GNG2: variants seen among roughly 807,000 people sequenced by gnomAD.
GNG2 encodes guanine nucleotide-binding protein G(I)/G(S)/G(O) subunit gamma-2.
In GNG2, 5 loss-of-function variants were observed where a neutral mutation model predicts 5.5. The observed-to-expected ratio is 0.91, with a 90% CI of 0.48 to 1.92. The LOEUF is 1.92. Ranked by LOEUF, GNG2 falls within the 30% of genes most tolerant of loss-of-function variation. The pLI is 0.01. For synonymous variants in GNG2, 28 were observed against 32.0 expected (o/e 0.88, Z 0.42); for missense variants, 55 against 88.4 (o/e 0.62, Z 1.52).
At chr14:51,949,989 C>T (rs532169001) in intron 2 of GNG2, among the ~76,000 whole-genome samples, 337 of 152,270 alleles carry the variant, frequency 2.2e-3, no homozygotes, top group Middle Eastern at 0.014. Flanking sequence ...ATCCTCCCAC[C>T]TTGACCTTTC....
rs1326116766 is a variant in GNG2 at position 51,875,683 on chromosome 14, T to C, written c.-70-1934T>C. 2.7e-5 allele frequency among the ~76,000 whole-genome samples: 4 copies of C among 150,874 alleles called. No homozygotes were observed. In the East Asian group the frequency reaches 7.8e-4, roughly 29 times the overall value. On this transcript the variant is annotated intron_variant, in intron 1 of 3. Coordinates refer to ENST00000556766, the MANE Select transcript of GNG2 (RefSeq NM_053064.5). ...TGTTAGTGCATATATATTAGAAAAA[T>C]ATATTAAGACATAGAAAATATATAT...
At chr14:51,898,261 AT>A (rs1885331932) in intron 2 of GNG2, among the ~76,000 whole-genome samples, 1 of 152,160 alleles carries the variant, frequency 6.6e-6, no homozygotes, top group South Asian at 2.1e-4. Flanking sequence ...ACAGAGAATT[AT>A]TTTTTTCCTT....
intron 2 of GNG2, among the ~76,000 whole-genome samples, chr14:51,834,607 G>A (rs1881284717): frequency 6.6e-6 from 1 of 152,136 alleles, no homozygotes; most frequent in African/African-American, 2.4e-5. Flanking sequence ...CTGGGTCCTG[G>A]GTAAGGATAG....
intron 2 of GNG2, among the ~76,000 whole-genome samples, chr14:51,922,888 G>C (rs989118146): frequency 6.6e-6 from 1 of 152,140 alleles, no homozygotes; most frequent in Middle Eastern, 3.2e-3. Context: ...GCTGCAGGGT[G>C]GGGGCAGAGG....
intron 3 of GNG2, among the ~76,000 whole-genome samples, chr14:51,962,615 G>A (rs911020548): frequency 3.3e-5 from 5 of 152,174 alleles, no homozygotes; most frequent in African/African-American, 1.2e-4. Flanking sequence ...AGAGAAGACT[G>A]CAGTATGAAC....
chr14:51,956,418 TAGATAGTATC>T (rs1043994753), intron 3 of GNG2, among the ~76,000 whole-genome samples: 4 of 152,142 alleles, frequency 2.6e-5, no homozygotes, highest in Non-Finnish European at 1.5e-5. Context: ...TGTCTCCACA[TAGATAGTATC>T]AGAATTGAAT....
intron 2 of GNG2, among the ~76,000 whole-genome samples, chr14:51,905,167 T>G (rs1337058969): frequency 1.3e-5 from 2 of 152,212 alleles, no homozygotes; most frequent in Admixed American, 1.3e-4. Flanking sequence ...CACTCAGGGA[T>G]TGGAAATAGT....
chr14:51,923,521 A>G (rs1310206831), intron 2 of GNG2, among the ~76,000 whole-genome samples: 2 of 146,702 alleles, frequency 1.4e-5, no homozygotes, highest in East Asian at 2.1e-4. Flanking sequence ...GTGTATATAT[A>G]TGTGTATATA....
chr14:51,936,844 T>A (rs932828991), intron 2 of GNG2, among the ~76,000 whole-genome samples: 1 of 152,178 alleles, frequency 6.6e-6, no homozygotes, highest in South Asian at 2.1e-4. Context: ...CACCTAGCTG[T>A]GAATTTTAAT....
At position 51,968,607 on chromosome 14, in the gene GNG2, G is replaced by T. The variant is rs1890053716; in HGVS notation, c.*1920G>T. ...CTTCTGTTCAAATTGTGGGGTTTTT[G>T]TTACAGTTAGGACGCCCATGAAGAT... On this transcript the variant is annotated 3_prime_UTR_variant, in exon 4 of 4. Coordinates refer to ENST00000556766, the MANE Select transcript of GNG2 (RefSeq NM_053064.5). 1.3e-5 allele frequency: 2 copies of T among 152,204 alleles called. No homozygotes were observed. The highest frequency in any genetic ancestry group is 2.1e-4 in the South Asian group (1 of 4,830). 9.4% of individuals were successfully genotyped at this position (152,204 alleles called of 1,614,324 possible).
chr14:51,930,827 C>CAG lies in GNG2; in HGVS notation c.-29-19809_-29-19808dup, dbSNP rs759571311. 2.8e-4 allele frequency among the ~76,000 whole-genome samples: 42 copies of CAG among 150,838 alleles called. No homozygotes were observed. In the East Asian group the frequency reaches 3.3e-3, roughly 12 times the overall value. ...GAAGGTGAAGGGGGAGCAGGCCCAT[C>CAG]AGAGAGAGAGAGAGAAAGAGGAGAA... On this transcript the variant is annotated intron_variant, in intron 2 of 3. Transcript: ENST00000556766.
chr14:51,864,214 G>A (rs1169586361), intron 1 of GNG2, among the ~76,000 whole-genome samples: 1 of 151,998 alleles, frequency 6.6e-6, no homozygotes, highest in Non-Finnish European at 1.5e-5. Context: ...ATTTTAAGAG[G>A]TATGAAGTGG....
chr14:51,908,116 G>A (rs142133759), intron 2 of GNG2, among the ~76,000 whole-genome samples: 2 of 152,348 alleles, frequency 1.3e-5, no homozygotes, highest in African/African-American at 2.4e-5. Flanking sequence ...AGCCAGGGCA[G>A]CTGTCATCTG....
intron 2 of GNG2, among the ~76,000 whole-genome samples, chr14:51,909,209 C>T (rs1886143602): frequency 6.6e-6 from 1 of 152,154 alleles, no homozygotes. Flanking sequence ...ATTATCTAGC[C>T]AGTCTCTACT....
At chr14:51,843,376 ATGAGAACAC>A (rs1224000634) in intron 2 of GNG2, among the ~76,000 whole-genome samples, 1 of 152,026 alleles carries the variant, frequency 6.6e-6, no homozygotes, top group African/African-American at 2.4e-5. Flanking sequence ...ATATAGAACA[ATGAGAACAC>A]ATGGACACAG....
intron 3 of GNG2, among the ~76,000 whole-genome samples, chr14:51,959,479 G>C (rs142067432): frequency 1.1e-3 from 165 of 152,046 alleles, no homozygotes; most frequent in African/African-American, 3.8e-3. Context: ...GAAAATCCTG[G>C]TGATTCTACA....
At chr14:51,899,617 A>C (rs1054067952) in intron 2 of GNG2, among the ~76,000 whole-genome samples, 1 of 152,142 alleles carries the variant, frequency 6.6e-6, no homozygotes, top group Non-Finnish European at 1.5e-5. Context: ...TCTATCAAAA[A>C]ATTTTTAAAA....
At chr14:51,835,973 A>G (rs1881318153) in intron 2 of GNG2, among the ~76,000 whole-genome samples, 2 of 151,928 alleles carry the variant, frequency 1.3e-5, no homozygotes, top group Non-Finnish European at 2.9e-5. Context: ...GATGCTATAC[A>G]GAACACTATA....
intron 1 of GNG2, among the ~76,000 whole-genome samples, chr14:51,863,008 T>C (rs1225285417): frequency 6.7e-6 from 1 of 148,880 alleles, no homozygotes; most frequent in Non-Finnish European, 1.5e-5. Flanking sequence ...TTCTGCCATA[T>C]GGCCAATGGC....
Sources: gnomAD v4.1 joint callset for allele counts (sites outside exome capture counted in the v4.1 genomes callset) on GRCh38, gnomAD v4.1.1 for gene constraint, MANE v1.5 for transcripts, NCBI Gene and HGNC (gene_info 2026-07-23, HGNC 2026-07-21) for gene names.